The following ZBBX variants were observed in gnomAD, a reference collection of about 807,000 sequenced individuals.
The protein encoded by ZBBX is zinc finger B-box domain containing.
In ZBBX, 101 loss-of-function variants were observed where a neutral mutation model predicts 108.5. The observed-to-expected ratio is 0.93, with a 90% CI of 0.79 to 1.10. The LOEUF (loss-of-function observed/expected upper bound fraction) is 1.10, where lower values mean the gene tolerates loss of function less well. Among genes scored for constraint, ZBBX ranks in the 50% least tolerant of loss-of-function variants. The pLI is 0.00. For synonymous variants in ZBBX, 356 were observed against 323.4 expected, an observed-to-expected ratio of 1.10 and a Z score of -1.08; for missense variants, 1,009 against 941.4, an observed-to-expected ratio of 1.07 and a Z score of -0.94.
chr3:167,350,868 G>C (rs1423156145), intron 8 of ZBBX, among the ~76,000 whole-genome samples: 1 of 151,980 alleles, frequency 6.6e-6, no homozygotes, highest in Non-Finnish European at 1.5e-5. Flanking sequence ...CAAACTTCTT[G>C]ACCTGGTAAA....
chr3:167,295,315 A>G (rs1167394870), intron 18 of ZBBX, among the ~76,000 whole-genome samples: 1 of 152,180 alleles, frequency 6.6e-6, no homozygotes, highest in African/African-American at 2.4e-5. Context: ...GATAGACTGG[A>G]TAAAGAAAGT....
At chr3:167,216,773 G>T in the ZBBX span, among the ~76,000 whole-genome samples, 3 of 152,034 alleles carry the variant, frequency 2.0e-5, no homozygotes, top group African/African-American at 7.2e-5. Context: ...CAGAAACAGG[G>T]ATATAGACCA....
At chr3:167,189,727 C>A in the ZBBX span, among the ~76,000 whole-genome samples, 1 of 152,182 alleles carries the variant, frequency 6.6e-6, no homozygotes, top group Admixed American at 6.5e-5. Flanking sequence ...ATAGCCTATG[C>A]CACAATCAAC....
At chr3:167,179,310 T>C in the ZBBX span, among the ~76,000 whole-genome samples, 1 of 152,232 alleles carries the variant, frequency 6.6e-6, no homozygotes, top group Non-Finnish European at 1.5e-5. Context: ...TGCTGGATAA[T>C]AGCTTCAGCT....
the ZBBX span, among the ~76,000 whole-genome samples, chr3:167,218,084 T>C: frequency 3.3e-5 from 5 of 151,874 alleles, no homozygotes; most frequent in Non-Finnish European, 7.4e-5. Flanking sequence ...TAAGAACTTA[T>C]GAACACAAAG....
Position 167,292,605 on chromosome 3 carries a change from T to C in ZBBX, c.1880-3622A>G, listed in dbSNP as rs533080520. On this transcript the variant is annotated intron_variant, in intron 18 of 21. Transcript: ENST00000675490. ...TGTCCTCAAGAGAAAGCTGGAAAGA[T>C]CTAAAATTGACATGCTAACATCACA... is the stretch of plus-strand genomic sequence containing the variant. Among the ~76,000 whole-genome samples the C allele has an allele frequency of 2.2e-3, 342 of 152,190 alleles. 1 individual carries two copies. The highest frequency in any genetic ancestry group is 0.01 in the Middle Eastern group (3 of 294).
chr3:167,356,472 G>C (rs943452525), intron 8 of ZBBX, among the ~76,000 whole-genome samples: 6 of 152,036 alleles, frequency 3.9e-5, no homozygotes, highest in Non-Finnish European at 5.9e-5. Flanking sequence ...TTATGGCTAA[G>C]TTCTCTAAAA....
the ZBBX span, among the ~76,000 whole-genome samples, chr3:167,181,212 C>G: frequency 1.3e-5 from 2 of 152,132 alleles, no homozygotes; most frequent in Non-Finnish European, 2.9e-5. Context: ...TTCCTAGTCT[C>G]ATACCAAGGA....
At chr3:167,325,017 G>A (rs1737104698) in intron 11 of ZBBX, among the ~76,000 whole-genome samples, 1 of 152,134 alleles carries the variant, frequency 6.6e-6, no homozygotes, top group Non-Finnish European at 1.5e-5. Context: ...TGAAGTGCTT[G>A]AGACAAAACA....
chr3:167,385,410 G>A (rs1747880766), intron 1 of ZBBX, among the ~76,000 whole-genome samples: 1 of 151,976 alleles, frequency 6.6e-6, no homozygotes, highest in African/African-American at 2.4e-5. Flanking sequence ...TGGCAGAACT[G>A]GAAGTTGCTT....
chr3:167,331,859 A>T (rs1263601398), intron 10 of ZBBX, among the ~76,000 whole-genome samples: 1 of 151,960 alleles, frequency 6.6e-6, no homozygotes, highest in Non-Finnish European at 1.5e-5. Context: ...TGCTATAAGA[A>T]AAACAGCATC....
Position 167,402,598 on chromosome 3 carries a change from GA to G in ZBBX, c.-446+5127del, listed in dbSNP as rs565857244. On this transcript the variant is annotated intron_variant, in intron 1 of 21. Coordinates refer to the ZBBX transcript ENST00000455345. ...GCAGAAATAGGACTCACGCGCAAGG[GA>G]AAAAAATCACCAAAAGCAAACCACA... Among the ~76,000 whole-genome samples, 362 of 151,956 alleles carry G rather than the reference GA, an allele frequency of 2.4e-3. 1 individual carries two copies. The highest frequency in any genetic ancestry group is 0.024 in the Middle Eastern group (7 of 294).
chr3:167,404,306 A>G (rs1179252247), intron 1 of ZBBX, among the ~76,000 whole-genome samples: 2 of 152,224 alleles, frequency 1.3e-5, no homozygotes, highest in African/African-American at 4.8e-5. Context: ...AAACAAAAAA[A>G]TAAGCGAATC....
intron 18 of ZBBX, among the ~76,000 whole-genome samples, chr3:167,290,525 C>A (rs1452020690): frequency 6.6e-6 from 1 of 152,140 alleles, no homozygotes; most frequent in East Asian, 1.9e-4. Context: ...ACAAAAAAAA[C>A]ATCCACTCAG....
chr3:167,400,608 A>G (rs1258923622), intron 1 of ZBBX, among the ~76,000 whole-genome samples: 2 of 152,074 alleles, frequency 1.3e-5, no homozygotes, highest in African/African-American at 2.4e-5. Flanking sequence ...AACTCCAAAT[A>G]TATAAGACAG....
chr3:167,245,732 C>T (rs1322562499), intron 20 of ZBBX, among the ~76,000 whole-genome samples: 1 of 152,124 alleles, frequency 6.6e-6, no homozygotes, highest in African/African-American at 2.4e-5. Context: ...GATGTGCCTG[C>T]TTCCCCTTCT....
intron 6 of ZBBX, among the ~76,000 whole-genome samples, chr3:167,361,561 G>T (rs1744510915): frequency 6.6e-6 from 1 of 152,112 alleles, no homozygotes; most frequent in Non-Finnish European, 1.5e-5. Flanking sequence ...AGCAACTGCA[G>T]TCATCTGAAA....
At position 167,288,955 on chromosome 3, in the gene ZBBX, G is replaced by T; in HGVS notation, c.1908C>A (p.Ser636Arg). 2 of 1,540,900 alleles carry T rather than the reference G, an allele frequency of 1.3e-6. No individual in the cohort carries two copies. Among genetic ancestry groups the T allele is most frequent in the Non-Finnish European group, 1.8e-6 (2 of 1,140,672 alleles). The change falls in exon 19 of 22, where the codon AGC becomes AGA. Residue 636 changes from serine to arginine, a missense_variant. Coordinates refer to ENST00000675490, the MANE Select transcript of ZBBX (RefSeq NM_001199201.2). Reference protein sequence around the residue: ...AEDREWIPDHSLSEYADNAIV... With the variant: ...AEDREWIPDHRLSEYADNAIV... ...TTGCATTATCAGCATATTCACTTAAGCTATGGTCTGGAATCCATTCTCTGT... is the reference window on the plus strand; with the variant it reads ...TTGCATTATCAGCATATTCACTTAATCTATGGTCTGGAATCCATTCTCTGT...
At chr3:167,403,587 T>C (rs1748492789) in intron 1 of ZBBX, among the ~76,000 whole-genome samples, 1 of 152,086 alleles carries the variant, frequency 6.6e-6, no homozygotes, top group Admixed American at 6.6e-5. Context: ...AAATGAAACA[T>C]TTATATTGTG....
Sources: allele counts gnomAD v4.1 joint callset (sites outside exome capture counted in the v4.1 genomes callset), GRCh38; gene constraint gnomAD v4.1.1; transcripts MANE v1.5; gene names NCBI Gene and HGNC (gene_info 2026-07-23, HGNC 2026-07-21).